The following ZNF233 variants were observed in gnomAD, a reference collection of about 807,000 sequenced individuals.
ZNF233 encodes zinc finger protein 233.
Under a neutral mutation model 11.6 loss-of-function variants are expected in ZNF233, and 7 were observed. That is an observed-to-expected ratio of 0.60 (90% CI 0.34 to 1.13). The LOEUF is 1.13. ZNF233 is among the 50% of genes most tolerant of loss of function. The pLI, the probability that ZNF233 is intolerant of heterozygous loss-of-function variation, is 0.03. For missense variants in ZNF233, 711 were observed against 785.5 expected (o/e 0.91, Z 1.13); for synonymous variants, 226 against 268.5 (o/e 0.84, Z 1.55).
intron 4 of ZNF233, among the ~76,000 whole-genome samples, chr19:44,270,562 T>C (rs1004401639): frequency 2.0e-5 from 3 of 151,814 alleles, no homozygotes; most frequent in South Asian, 2.1e-4. Context: ...ACAATGAACA[T>C]TGGTTTATAG....
rs1052258886 is a variant in ZNF233 at position 44,273,826 on chromosome 19, G to T, written c.1166G>T (p.Cys389Phe). 5.0e-6 allele frequency: 8 copies of T among 1,613,988 alleles called. No homozygotes were observed. The highest frequency in any genetic ancestry group is 6.8e-6 in the Non-Finnish European group (8 of 1,180,024). Residue 389 changes from cysteine (C) to phenylalanine (F), a missense_variant, in exon 5 of 5, where the codon TGT becomes TTT. By Grantham distance (205) the Cys-to-Phe change is radical (BLOSUM62 -2). Coordinates refer to ENST00000683810, the MANE Select transcript of ZNF233 (RefSeq NM_001207005.2). ...CATAGCTTAGATTTTGACATTCACT[G>T]TGTAGACAGTGCTGGAGAGAGAGCC... The part of the protein sequence containing the change: ...FHHSLDFDIH[C>F]VDSAGERACK...
rs1262717495 is a variant in ZNF233, at chr19:44,259,909, G to A, written c.-77G>A. The stretch of plus-strand genomic sequence containing the variant: ...TTGTGTACTTCCGCTGCAGGAGGGC[G>A]AAGCAGCCGTCATCTATCCCCTCTG... On this transcript the variant is annotated 5_prime_UTR_variant, in exon 1 of 5. Coordinates refer to ENST00000683810, the MANE Select transcript of ZNF233 (RefSeq NM_001207005.2). 6.6e-6 allele frequency: 3 copies of A among 456,176 alleles called. No individual in the cohort carries two copies. The highest frequency in any genetic ancestry group is 2.0e-5 in the African/African-American group (1 of 50,062). 28.3% of individuals were successfully genotyped at this position (456,176 alleles called of 1,614,324 possible). A position where few individuals can be genotyped will look rare whatever the true frequency, so the allele number is the denominator to read the frequency against.
In ZNF233 at chr19:44,273,021, G is replaced by C. The variant is rs1975280857; in HGVS notation, c.361G>C (p.Asp121His). The C allele has an allele frequency of 3.1e-6, 5 of 1,613,948 alleles. No individual in the cohort carries two copies. The highest frequency in any genetic ancestry group is 2.2e-5 in the East Asian group (1 of 44,878). The change falls in exon 5 of 5, where the codon GAC (aspartate) becomes CAC (histidine). Residue 121 changes from aspartate to histidine, a missense_variant. Transcript: ENST00000683810. ...TACAAGTAAATTAACCAGTAATCAA[G>C]ACCTAATAATAAATCTTCAAGGCAA... Reference protein sequence around the residue: ...QFTSKLTSNQDLIINLQGKRS... With the variant: ...QFTSKLTSNQHLIINLQGKRS...
In ZNF233 at chr19:44,272,922, G is replaced by C; in HGVS notation, c.262G>C (p.Asp88His). The C allele has an allele frequency of 1.9e-6, 3 of 1,593,832 alleles. No homozygotes were observed. Among genetic ancestry groups the C allele is most frequent in the Non-Finnish European group, 2.6e-6 (3 of 1,173,314 alleles). ...AGGACACAAGAATCAAAATGAGATAGATACCCTTCAAGAAGTAAGATTAAG... is the reference window on the plus strand; with the variant it reads ...AGGACACAAGAATCAAAATGAGATACATACCCTTCAAGAAGTAAGATTAAG... ...CSGHKNQNEI[D>H]TLQEVRLRFL... Residue 88 changes from aspartate to histidine, a missense_variant, in exon 5 of 5, where the codon GAT (aspartate) becomes CAT (histidine). Physicochemically the swap from Asp to His is moderately conservative, Grantham distance 81. Transcript: ENST00000683810.
intron 2 of ZNF233, among the ~76,000 whole-genome samples, chr19:44,265,007 C>G (rs575241007): frequency 6.6e-6 from 1 of 152,092 alleles, no homozygotes; most frequent in Admixed American, 6.6e-5. Flanking sequence ...TATCCCACTT[C>G]GACAGTTGTA....
chr19:44,262,285 A>C (rs1974959481), intron 1 of ZNF233, among the ~76,000 whole-genome samples: 2 of 152,214 alleles, frequency 1.3e-5, no homozygotes, highest in South Asian at 4.1e-4. Context: ...GAAGGCTTCC[A>C]AGAGGAGGGA....
Position 44,274,231 on chromosome 19 carries a change from AG to A in ZNF233, c.1573del (p.Ala525ProfsTer181), listed in dbSNP as rs1341533171. On this transcript the variant is annotated frameshift_variant, in exon 5 of 5. Coordinates refer to ENST00000683810, the MANE Select transcript of ZNF233 (RefSeq NM_001207005.2). LOFTEE classifies it low-confidence loss of function (END_TRUNC). ...GACTTCAGTCAGATCTCTCATCTTCAGGCCCATCAGAGAGTTCACAAAGGAG... is the reference window on the plus strand; with the variant it reads ...GACTTCAGTCAGATCTCTCATCTTCAGCCCATCAGAGAGTTCACAAAGGAG... ...GKDFSQISHLQAHQRVHKGEK... is the reference protein window; with the variant it reads ...GKDFSQISHLXAHQRVHKGEK... 13 of 1,609,756 alleles carry A rather than the reference AG, an allele frequency of 8.1e-6. No homozygotes were observed. Among genetic ancestry groups the A allele is most frequent in the Non-Finnish European group, 8.5e-6 (10 of 1,176,458 alleles).
chr19:44,260,195 G>A (rs1974896501), intron 1 of ZNF233: 1 of 222,052 alleles, frequency 4.5e-6, no homozygotes, highest in South Asian at 4.8e-5. Flanking sequence ...CTGTCTTCTG[G>A]CAATATAATC....
At chr19:44,265,364 TATACACACACACACACACACACAC>T (rs1318379528) in intron 2 of ZNF233, among the ~76,000 whole-genome samples, 1 of 57,832 alleles carries the variant, frequency 1.7e-5, no homozygotes, top group African/African-American at 6.0e-5. Context: ...ATCATATATA[TATACACACACACACACACACACAC>T]ACACACACAC....
At chr19:44,265,624 G>A (rs1303566009) in intron 2 of ZNF233, among the ~76,000 whole-genome samples, 1 of 152,138 alleles carries the variant, frequency 6.6e-6, no homozygotes, top group Non-Finnish European at 1.5e-5. Context: ...GTTTCACCAT[G>A]TTGGTCAGGC....
rs1975361339 is a variant in ZNF233 at position 44,275,221 on chromosome 19, C to T, written c.*548C>T. 1 of 294,286 alleles carries T rather than the reference C, an allele frequency of 3.4e-6. No homozygotes were observed. The highest frequency in any genetic ancestry group is 1.6e-4 in the South Asian group (1 of 6,112). The allele number at this position is 294,286 out of a possible 1,614,324, so 18.2% of individuals were successfully genotyped here. A position where few individuals can be genotyped will look rare whatever the true frequency, so the allele number is the denominator to read the frequency against. On this transcript the variant is annotated 3_prime_UTR_variant, in exon 5 of 5. Coordinates refer to ENST00000683810, the MANE Select transcript of ZNF233 (RefSeq NM_001207005.2). ...TTGAATATTTTAGTGAGCTCAGCCC[C>T]AATTCGTCATTATAATTGTACTGGG...
In ZNF233 at chr19:44,266,978, T is replaced by G. The variant is rs777134633; in HGVS notation, c.238+17T>G. 6.2e-7 allele frequency: 1 copy of G among 1,601,760 alleles called. No individual in the cohort carries two copies. The highest frequency in any genetic ancestry group is 1.7e-5 in the Admixed American group (1 of 59,616). Reference sequence around the variant, plus strand: ...GGTGTTCAGGTGAGAACCATGGAGCTCTGAGTCTTTGCGGGGTACAGCCTA... The same window carrying G: ...GGTGTTCAGGTGAGAACCATGGAGCGCTGAGTCTTTGCGGGGTACAGCCTA... On this transcript the variant is annotated intron_variant, in intron 4 of 4. Transcript: ENST00000683810.
rs569856332 is a variant in ZNF233 at position 44,275,267 on chromosome 19, C to T, written c.*594C>T. 1 of 221,608 alleles carries T rather than the reference C, an allele frequency of 4.5e-6. No individual in the cohort carries two copies. The highest frequency in any genetic ancestry group is 5.7e-5 in the Admixed American group (1 of 17,440). The allele number at this position is 221,608 out of a possible 1,614,324, so 13.7% of individuals were successfully genotyped here. On this transcript the variant is annotated 3_prime_UTR_variant, in exon 5 of 5. Coordinates refer to ENST00000683810, the MANE Select transcript of ZNF233 (RefSeq NM_001207005.2). ...CTGGGAAAAGGATTCTTGCAAGAAG[C>T]CTTAAAATGAATTCAAGGAAATGAC...
chr19:44,272,926 C>A lies in ZNF233; in HGVS notation c.266C>A (p.Thr89Asn), dbSNP rs763639730. The A allele has an allele frequency of 3.1e-6, 5 of 1,597,408 alleles. No homozygotes were observed. Among genetic ancestry groups the A allele is most frequent in the East Asian group, 2.2e-5 (1 of 44,812 alleles). Reference sequence around the variant, plus strand: ...CACAAGAATCAAAATGAGATAGATACCCTTCAAGAAGTAAGATTAAGATTC... The same window carrying A: ...CACAAGAATCAAAATGAGATAGATAACCTTCAAGAAGTAAGATTAAGATTC... ...SGHKNQNEID[T>N]LQEVRLRFLS... Residue 89 changes from threonine (T) to asparagine (N), a missense_variant, in exon 5 of 5, where the codon ACC becomes AAC. Transcript: ENST00000683810.
intron 1 of ZNF233, among the ~76,000 whole-genome samples, chr19:44,260,409 GCTT>G (rs922587061): frequency 3.9e-5 from 6 of 152,184 alleles, no homozygotes; most frequent in African/African-American, 7.2e-5. Context: ...GTCTCTGAAA[GCTT>G]CTGTGAGCCC....
rs1380635967 is a variant in ZNF233 at position 44,266,789 on chromosome 19, T to A, written c.143-77T>A. ...TTTGAAAAATACTACTTAGAGCGCA[T>A]GAAAATGGTGGTGTTGGAATTAAAA... On this transcript the variant is annotated intron_variant, in intron 3 of 4. Coordinates refer to ENST00000683810, the MANE Select transcript of ZNF233 (RefSeq NM_001207005.2). The A allele has an allele frequency of 3.7e-6, 4 of 1,068,676 alleles. No homozygotes were observed. The East Asian group carries it at 9.6e-5, about 26-fold the overall frequency. 66.2% of individuals were successfully genotyped at this position (1,068,676 alleles called of 1,614,324 possible). A position where few individuals can be genotyped will look rare whatever the true frequency, so the allele number is the denominator to read the frequency against.
intron 1 of ZNF233, among the ~76,000 whole-genome samples, chr19:44,261,064 G>A (rs1974922803): frequency 6.6e-6 from 1 of 152,158 alleles, no homozygotes; most frequent in African/African-American, 2.4e-5. Flanking sequence ...ACAGGAAAGA[G>A]CCTGAACTGG....
chr19:44,262,277 A>G (rs978850580), intron 1 of ZNF233, among the ~76,000 whole-genome samples: 1 of 152,232 alleles, frequency 6.6e-6, no homozygotes, highest in Non-Finnish European at 1.5e-5. Flanking sequence ...GCTACGCTGA[A>G]GGCTTCCAAG....
Position 44,263,073 on chromosome 19 carries a change from G to A in ZNF233, c.-47-1241G>A, listed in dbSNP as rs148750196. On this transcript the variant is annotated intron_variant, in intron 1 of 4. Coordinates refer to ENST00000683810, the MANE Select transcript of ZNF233 (RefSeq NM_001207005.2). ...CTCAGCTTCCTCATCCATTAAATGG[G>A]AACGACAGTCATCATATCATCACTT... 8.9e-4 allele frequency among the ~76,000 whole-genome samples: 135 copies of A among 152,248 alleles called. 1 individual carries two copies. Among genetic ancestry groups the A allele is most frequent in the Middle Eastern group, 3.4e-3 (1 of 294 alleles).
Sources: allele counts gnomAD v4.1 joint callset (sites outside exome capture counted in the v4.1 genomes callset), GRCh38; gene constraint gnomAD v4.1.1; transcripts MANE v1.5; gene names NCBI Gene and HGNC (gene_info 2026-07-23, HGNC 2026-07-21).